ELAVL4: variants seen among roughly 807,000 people sequenced by gnomAD.
ELAVL4 encodes ELAV-like protein 4.
Under a neutral mutation model 35.6 loss-of-function variants are expected in ELAVL4, and 1 was observed. The observed-to-expected ratio is 0.03, with a 90% CI of 0.01 to 0.13. The LOEUF (loss-of-function observed/expected upper bound fraction) is 0.13. ELAVL4 is among the 10% of genes least tolerant of loss of function. ELAVL4 has a pLI of 1.00. For synonymous variants in ELAVL4, 156 were observed against 171.0 expected, an observed-to-expected ratio of 0.91 and a Z score of 0.69; for missense variants, 267 against 464.9, an observed-to-expected ratio of 0.57 and a Z score of 3.91.
chr1:50,110,083 G>T, intron 1 of ELAVL4: 1 of 1,317,184 alleles, frequency 7.6e-7, no homozygotes, highest in Non-Finnish European at 1.1e-6. Context: ...TCACTGTGCT[G>T]ATCGTTTGTG....
At chr1:50,146,118 C>T (rs1306394363) in intron 2 of ELAVL4, among the ~76,000 whole-genome samples, 1 of 151,584 alleles carries the variant, frequency 6.6e-6, no homozygotes, top group Admixed American at 6.6e-5. Context: ...GTTTCCCTTT[C>T]CCTAGACAGT....
intron 1 of ELAVL4, among the ~76,000 whole-genome samples, chr1:50,090,836 G>C (rs1665460885): frequency 6.6e-6 from 1 of 152,312 alleles, no homozygotes; most frequent in South Asian, 2.1e-4. Context: ...CTGTATTCTA[G>C]CTGTATGGCT....
chr1:50,099,860 A>T (rs1156331552), upstream of ELAVL4, among the ~76,000 whole-genome samples: 1 of 152,232 alleles, frequency 6.6e-6, no homozygotes, highest in Non-Finnish European at 1.5e-5. Flanking sequence ...CATAGGACCA[A>T]GGTTCTGTTA....
intron 1 of ELAVL4, among the ~76,000 whole-genome samples, chr1:50,082,390 T>C (rs774797469): frequency 2.0e-5 from 3 of 152,230 alleles, no homozygotes; most frequent in Non-Finnish European, 4.4e-5. Context: ...CATGAGATGG[T>C]ATTTCATTGT....
chr1:50,109,032 C>CAAAAAAAAAA lies in ELAVL4; in HGVS notation c.-153_-152insAAAAAAAAAA. 1 of 978,388 alleles carries CAAAAAAAAAA rather than the reference C, an allele frequency of 1.0e-6. No individual in the cohort carries two copies. Among genetic ancestry groups the CAAAAAAAAAA allele is most frequent in the Non-Finnish European group, 1.2e-6 (1 of 824,052 alleles). 60.6% of individuals were successfully genotyped at this position (978,388 alleles called of 1,614,324 possible). ...TCTTTCTCTCCCCCGCCCACCCCCCCAAAAATAATTGATTTGCTTTACAAT... is the reference window on the plus strand; with the variant it reads ...TCTTTCTCTCCCCCGCCCACCCCCCCAAAAAAAAAAAAAAATAATTGATTTGCTTTACAAT... On this transcript the variant is annotated 5_prime_UTR_variant, in exon 1 of 7. Coordinates refer to ENST00000371824, the MANE Select transcript of ELAVL4 (RefSeq NM_001144774.3).
chr1:50,055,285 GTTTTGTTTTTGTTTTTGT>G (rs570949851), intron 1 of ELAVL4, among the ~76,000 whole-genome samples: 3 of 149,306 alleles, frequency 2.0e-5, no homozygotes, highest in Non-Finnish European at 3.0e-5. Flanking sequence ...TTTTTTTTTT[GTTTTGTTTTTGTTTTTGT>G]TTTTGTTTTT....
At chr1:50,111,256 T>TC (rs1031363158) in intron 1 of ELAVL4, among the ~76,000 whole-genome samples, 1 of 151,312 alleles carries the variant, frequency 6.6e-6, no homozygotes, top group Non-Finnish European at 1.5e-5. Flanking sequence ...TTTTCCTTTT[T>TC]CCCCCTTTTC....
At chr1:50,070,528 G>T (rs555471192) in intron 1 of ELAVL4, among the ~76,000 whole-genome samples, 325 of 152,278 alleles carry the variant, frequency 2.1e-3, no homozygotes, top group Non-Finnish European at 3.6e-3. Context: ...GGATCATGAG[G>T]TCAGGAGTTC....
At chr1:50,188,382 G>A (rs1682153645) in intron 3 of ELAVL4, among the ~76,000 whole-genome samples, 1 of 151,956 alleles carries the variant, frequency 6.6e-6, no homozygotes, top group South Asian at 2.1e-4. Context: ...AGAATGCCTG[G>A]CTCATGAAAA....
intron 1 of ELAVL4, among the ~76,000 whole-genome samples, chr1:50,124,892 A>C (rs1221568749): frequency 6.6e-6 from 1 of 152,138 alleles, no homozygotes; most frequent in Non-Finnish European, 1.5e-5. Context: ...GTTACTTGGC[A>C]TATAAAGTGA....
At chr1:50,118,961 A>AGAGAGGGAGG (rs1311795114) in intron 1 of ELAVL4, among the ~76,000 whole-genome samples, 3 of 125,808 alleles carry the variant, frequency 2.4e-5, no homozygotes, top group African/African-American at 9.2e-5. Flanking sequence ...AGAGAGAGAG[A>AGAGAGGGAGG]GAGGGAGGGA....
chr1:50,162,207 A>C (rs1676918823), intron 2 of ELAVL4, among the ~76,000 whole-genome samples: 1 of 152,164 alleles, frequency 6.6e-6, no homozygotes, highest in Non-Finnish European at 1.5e-5. Flanking sequence ...ACTGACTGGC[A>C]CTCACAAAAT....
At chr1:50,106,213 G>C (rs1666292569), upstream of ELAVL4, 4 of 1,144,218 alleles carry the variant, frequency 3.5e-6, no homozygotes, top group Non-Finnish European at 5.1e-6. Context: ...AGTTATTAAC[G>C]CTGAATTGGC....
chr1:50,173,524 G>A (rs1679418028), intron 2 of ELAVL4, among the ~76,000 whole-genome samples: 1 of 152,190 alleles, frequency 6.6e-6, no homozygotes, highest in South Asian at 2.1e-4. Context: ...ACACATGCCT[G>A]CTGGACAGGA....
intron 2 of ELAVL4, among the ~76,000 whole-genome samples, chr1:50,167,994 T>C (rs1290118946): frequency 6.6e-6 from 1 of 152,210 alleles, no homozygotes; most frequent in Non-Finnish European, 1.5e-5. Context: ...TCTCCTTCTA[T>C]GCAAAGTGCA....
intron 1 of ELAVL4, among the ~76,000 whole-genome samples, chr1:50,123,335 C>G (rs1221415378): frequency 6.6e-6 from 1 of 151,904 alleles, no homozygotes; most frequent in South Asian, 2.1e-4. Context: ...GGGAGGGTAA[C>G]ATTTGCTGAA....
chr1:50,119,010 A>G (rs7517535), intron 1 of ELAVL4, among the ~76,000 whole-genome samples: 19,196 of 144,408 alleles, frequency 0.13, 1,705 homozygotes, highest in East Asian at 0.41. Flanking sequence ...GAGAGAAAGA[A>G]AGAAAAGAAA....
chr1:50,177,862 G>A (rs747611409), intron 3 of ELAVL4, among the ~76,000 whole-genome samples: 3 of 152,166 alleles, frequency 2.0e-5, no homozygotes, highest in Non-Finnish European at 4.4e-5. Context: ...AAATAATTAG[G>A]TGGGTAGATA....
chr1:50,116,744 C>G (rs981786325), intron 1 of ELAVL4, among the ~76,000 whole-genome samples: 1 of 152,066 alleles, frequency 6.6e-6, no homozygotes, highest in African/African-American at 2.4e-5. Context: ...AAAATGCTCA[C>G]TTAAAAGGGA....
Sources: allele counts gnomAD v4.1 joint callset (sites outside exome capture counted in the v4.1 genomes callset), GRCh38; gene constraint gnomAD v4.1.1; transcripts MANE v1.5; gene names NCBI Gene and HGNC (gene_info 2026-07-23, HGNC 2026-07-21).